Variants in CNDP2 observed in about 807,000 individuals in gnomAD.
The protein encoded by CNDP2 is carnosine dipeptidase 2, also known as cytosolic non-specific dipeptidase.
A neutral mutation model predicts 55.0 loss-of-function variants in CNDP2; 38 were observed. That is an observed-to-expected ratio of 0.69 (90% CI 0.53 to 0.90). CNDP2 has a LOEUF of 0.90. CNDP2 is among the 40% of genes least tolerant of loss of function. CNDP2 has a pLI of 0.00. For missense variants in CNDP2, 607 were observed against 621.7 expected, an observed-to-expected ratio of 0.98 and a Z score of 0.25; for synonymous variants, 241 against 260.2, an observed-to-expected ratio of 0.93 and a Z score of 0.71.
chr18:74,501,252 G>A lies in CNDP2; in HGVS notation c.61-77G>A, dbSNP rs1302781351. ...CAGCCACAGAGGGTGAGCCTGGAAT[G>A]TGGCAACGTTACGGGAGCCTCTTCT... On this transcript the variant is annotated intron_variant, in intron 2 of 11. Coordinates refer to ENST00000324262, the MANE Select transcript of CNDP2 (RefSeq NM_018235.3). 5 of 1,538,116 alleles carry A rather than the reference G, an allele frequency of 3.3e-6. No individual in the cohort carries two copies. In the Admixed American group the frequency reaches 5.9e-5, roughly 18 times the overall value.
chr18:74,498,020 C>T (rs979973709), intron 1 of CNDP2: 2 of 152,090 alleles, frequency 1.3e-5, no homozygotes, highest in Non-Finnish European at 2.9e-5. Context: ...TGGAACCTGG[C>T]CTAGCCTGGT....
At chr18:74,513,504 G>A (rs2241510) in intron 7 of CNDP2, 55 bp from the exon 8 acceptor site, 305,564 of 1,538,570 alleles carry the variant, frequency 0.2, 31,836 homozygotes, top group Admixed American at 0.32. Context: ...GGAAAGAGCA[G>A]CTCGCCTTGG....
rs774431344 is a variant in CNDP2, at chr18:74,513,567, G to A, written c.751G>A (p.Val251Met). 3 of 1,612,516 alleles carry A rather than the reference G, an allele frequency of 1.9e-6. No homozygotes were observed. Among genetic ancestry groups the A allele is most frequent in the Non-Finnish European group, 2.5e-6 (3 of 1,179,636 alleles). ...TDLILLMGSL[V>M]DKRGNILIPG... is the part of the protein sequence containing the mutation. ...TCTCCGGCTTCCCTCAGGCTCTTTG[G>A]TGGACAAGAGGGGGAACATCCTGAT... Residue 251 changes from valine to methionine, a missense_variant, in exon 8 of 12, where the codon GTG (valine) becomes ATG (methionine). By Grantham distance (21) the Val-to-Met change is conservative (BLOSUM62 1). Transcript: ENST00000324262.
Position 74,508,932 on chromosome 18 carries a change from T to C in CNDP2, c.456+4T>C, listed in dbSNP as rs1390974139. The C allele has an allele frequency of 6.2e-7, 1 of 1,613,248 alleles. No homozygotes were observed. The highest frequency in any genetic ancestry group is 2.2e-5 in the East Asian group (1 of 44,878). Reference sequence around the variant, plus strand: ...AGCGTATCAGAAAACAGGCCAGGTATGCCCCCCACGCTGACTTCTGCCTGA... The same window carrying C: ...AGCGTATCAGAAAACAGGCCAGGTACGCCCCCCACGCTGACTTCTGCCTGA... On this transcript the variant is annotated splice_donor_region_variant and intron_variant, in intron 5 of 11. Transcript: ENST00000324262.
At chr18:74,508,700 G>A in intron 4 of CNDP2, 140 bp from the exon 5 acceptor site, 1 of 648,840 alleles carries the variant, frequency 1.5e-6, no homozygotes, top group East Asian at 2.8e-5. Context: ...GTGTTGGGTG[G>A]AAATTGGGGG....
At chr18:74,511,427 C>T (rs1214798315) in intron 6 of CNDP2, among the ~76,000 whole-genome samples, 1 of 152,188 alleles carries the variant, frequency 6.6e-6, no homozygotes, top group Admixed American at 6.5e-5. Context: ...GAAACCGAGG[C>T]CGGGTGCAGT....
chr18:74,509,380 G>C (rs987674212), intron 5 of CNDP2: 1 of 155,350 alleles, frequency 6.4e-6, no homozygotes, highest in African/African-American at 2.4e-5. Flanking sequence ...ATTCCTTTGG[G>C]AGGAATTACT....
chr18:74,508,633 G>A, intron 4 of CNDP2: 1 of 538,232 alleles, frequency 1.9e-6, no homozygotes, highest in South Asian at 2.3e-5. Flanking sequence ...GTTCTTGGGA[G>A]CATCCACGTG....
chr18:74,518,471 G>A lies in CNDP2; in HGVS notation c.1069-28G>A, dbSNP rs1262189053. ...ATCAAATGCAAGCTTATAAAGCATT[G>A]TATACCTCTATTCTATTTGTGGTTT... On this transcript the variant is annotated intron_variant, in intron 9 of 11. Transcript: ENST00000324262. 3 of 1,613,860 alleles carry A rather than the reference G, an allele frequency of 1.9e-6. No homozygotes were observed. The Admixed American group carries it at 5.0e-5, about 27-fold the overall frequency.
chr18:74,513,461 C>G, intron 7 of CNDP2, 98 bp from the exon 8 acceptor site: 1 of 1,323,080 alleles, frequency 7.6e-7, no homozygotes, highest in Non-Finnish European at 1.0e-6. Context: ...TGAGCCGCAT[C>G]TCTCCTGAGC....
At chr18:74,509,403 G>A (rs1221921516) in intron 5 of CNDP2, 1 of 154,124 alleles carries the variant, frequency 6.5e-6, no homozygotes, top group African/African-American at 2.4e-5. Context: ...GGGAGGCTGA[G>A]GTGGGTGGAT....
At chr18:74,515,381 C>CGA (rs1285967901) in intron 8 of CNDP2, among the ~76,000 whole-genome samples, 1 of 152,004 alleles carries the variant, frequency 6.6e-6, no homozygotes, top group African/African-American at 2.4e-5. Flanking sequence ...TGTCAGGGAC[C>CGA]GAGGGGTTGG....
At chr18:74,518,222 ACT>A (rs1979815504) in intron 9 of CNDP2, 1 of 238,128 alleles carries the variant, frequency 4.2e-6, no homozygotes, top group Non-Finnish European at 8.4e-6. Flanking sequence ...AGATCACGCC[ACT>A]GTGCTCCAGC....
chr18:74,508,441 T>G, intron 4 of CNDP2: 1 of 170,944 alleles, frequency 5.8e-6, no homozygotes. Flanking sequence ...AACGGTGCCT[T>G]GAGGTTCCTA....
At chr18:74,502,994 T>C (rs1978794403) in intron 3 of CNDP2, among the ~76,000 whole-genome samples, 2 of 152,054 alleles carry the variant, frequency 1.3e-5, no homozygotes, top group African/African-American at 2.4e-5. Flanking sequence ...CCCACCAATT[T>C]TCCCCCCATC....
In CNDP2 at chr18:74,501,407, G is replaced by A. The variant is rs1362526468; in HGVS notation, c.139G>A (p.Val47Ile). ...AGGCGAAATCAGGAGGATGATGGAA[G>A]TTGCTGCTGCAGATGTTAAGCAGTT... is the stretch of plus-strand genomic sequence containing the variant. ...KRGEIRRMME[V>I]AAADVKQLGG... Residue 47 changes from valine to isoleucine, a missense_variant, in exon 3 of 12, where the codon GTT (valine) becomes ATT (isoleucine). Coordinates refer to ENST00000324262, the MANE Select transcript of CNDP2 (RefSeq NM_018235.3). The A allele has an allele frequency of 3.1e-6, 5 of 1,614,084 alleles. No homozygotes were observed. The South Asian group carries it at 3.3e-5, about 11-fold the overall frequency.
chr18:74,514,921 C>CT (rs1272565202), intron 8 of CNDP2, among the ~76,000 whole-genome samples: 1 of 152,168 alleles, frequency 6.6e-6, no homozygotes, highest in Non-Finnish European at 1.5e-5. Context: ...GAAGGATATG[C>CT]TGAGGGCCAC....
chr18:74,517,870 T>G (rs2144614783), intron 9 of CNDP2: 1 of 152,338 alleles, frequency 6.6e-6, no homozygotes, highest in East Asian at 1.9e-4. Flanking sequence ...GTTTTTAAAC[T>G]TAATTTAAAT....
rs578184014 is a variant in CNDP2, at chr18:74,506,021, G to A, written c.367+10G>A. ...CTGGTGGAGCGAGACGGTGAGCGCC[G>A]CGCGCCTATGCGTGCCCAGAGGAAA... On this transcript the variant is annotated intron_variant, in intron 4 of 11. Coordinates refer to ENST00000324262, the MANE Select transcript of CNDP2 (RefSeq NM_018235.3). 7.1e-5 allele frequency: 110 copies of A among 1,551,356 alleles called. No individual in the cohort carries two copies. Among genetic ancestry groups the A allele is most frequent in the East Asian group, 2.3e-4 (10 of 43,452 alleles).
Sources: gnomAD v4.1 joint callset for allele counts (sites outside exome capture counted in the v4.1 genomes callset) on GRCh38, gnomAD v4.1.1 for gene constraint, MANE v1.5 for transcripts, NCBI Gene and HGNC (gene_info 2026-07-23, HGNC 2026-07-21) for gene names.